The following PRH1 variants were observed in gnomAD, a reference collection of about 807,000 sequenced individuals.
The protein encoded by PRH1 is salivary acidic proline-rich phosphoprotein 1/2.
Under a neutral mutation model 7.9 loss-of-function variants are expected in PRH1, and 7 were observed. The ratio of observed to expected loss-of-function variants is 0.89; its 90% CI spans 0.50 to 1.67. The LOEUF (loss-of-function observed/expected upper bound fraction) is 1.67, where lower values mean the gene tolerates loss of function less well. Ranked by LOEUF, PRH1 falls within the 40% of genes most tolerant of loss-of-function variation. PRH1 has a pLI of 0.00. For missense variants in PRH1, 109 were observed against 223.6 expected (o/e 0.49, Z 3.27); for synonymous variants, 45 against 80.8 (o/e 0.56, Z 2.38).
chr12:10,972,063 T>C (rs1938840604), intron 2 of PRH1, among the ~76,000 whole-genome samples: 1 of 152,226 alleles, frequency 6.6e-6, no homozygotes, highest in Non-Finnish European at 1.5e-5. Context: ...TGATTAGTTA[T>C]TGGCATGTTG....
At chr12:10,903,673 G>A (rs986182245) in intron 2 of PRH1, among the ~76,000 whole-genome samples, 1 of 151,322 alleles carries the variant, frequency 6.6e-6, no homozygotes, top group East Asian at 1.9e-4. Context: ...GAAAGTCCTA[G>A]CCAGGACAAT....
chr12:10,959,320 C>T (rs752548076), intron 2 of PRH1, among the ~76,000 whole-genome samples: 1 of 108,054 alleles, frequency 9.3e-6, no homozygotes, highest in East Asian at 2.8e-4. Flanking sequence ...ATGAAGATGT[C>T]AAATAGTCTA....
At chr12:11,107,605 A>G (rs1484879557) in intron 1 of PRH1, among the ~76,000 whole-genome samples, 1 of 152,192 alleles carries the variant, frequency 6.6e-6, no homozygotes, top group Non-Finnish European at 1.5e-5. Flanking sequence ...TTGTTAAAAA[A>G]TAACAAATTT....
At chr12:11,150,384 A>G (rs370926485) in intron 1 of PRH1, among the ~76,000 whole-genome samples, 2,201 of 152,014 alleles carry the variant, frequency 0.014, 17 homozygotes, top group South Asian at 0.028. Flanking sequence ...TGTTTATTGC[A>G]GCACTATTCA....
At chr12:11,131,914 G>T (rs1317578901) in intron 1 of PRH1, among the ~76,000 whole-genome samples, 1 of 152,084 alleles carries the variant, frequency 6.6e-6, no homozygotes, top group African/African-American at 2.4e-5. Context: ...TATCATTTTT[G>T]ACCATCTATT....
At position 11,097,785 on chromosome 12, in the gene PRH1, G is replaced by C. The variant is rs1333463121; in HGVS notation, n.124-50597C>G. Among the ~76,000 whole-genome samples the C allele has an allele frequency of 2.6e-5, 3 of 113,510 alleles. 1 individual carries two copies. The highest frequency in any genetic ancestry group is 1.8e-4 in the Admixed American group (2 of 11,220). The allele number at this position is 113,510 out of a possible 152,430, so 74.5% of individuals were successfully genotyped here. On this transcript the variant is annotated intron_variant and non_coding_transcript_variant, in intron 1 of 4. Coordinates refer to the PRH1 transcript ENST00000541977. ...GCAGGTGAAAGGGAGAATGCTATTT[G>C]GTAAATGTGATTTCAGGCTTGTTTC...
chr12:11,123,387 C>T lies in PRH1; in HGVS notation n.40-2207G>A, dbSNP rs143188934. On this transcript the variant is annotated intron_variant and non_coding_transcript_variant, in intron 1 of 1. Coordinates refer to the PRH1 transcript ENST00000541175. Reference sequence around the variant, plus strand: ...GATTATGATATTCAAATTCTACTCACAGACATAGAAAAGCCCAAAACAGTT... The same window carrying T: ...GATTATGATATTCAAATTCTACTCATAGACATAGAAAAGCCCAAAACAGTT... Among the ~76,000 whole-genome samples the T allele has an allele frequency of 6.4e-4, 98 of 152,214 alleles. No individual in the cohort carries two copies. The East Asian group carries it at 0.017, about 26-fold the overall frequency.
chr12:10,958,214 T>C (rs1565499572), intron 2 of PRH1, among the ~76,000 whole-genome samples: 4 of 152,114 alleles, frequency 2.6e-5, no homozygotes, highest in Admixed American at 1.3e-4. Flanking sequence ...ATACACACCA[T>C]GGAATACTAT....
At chr12:11,003,160 T>C (rs1414210057) in intron 1 of PRH1, among the ~76,000 whole-genome samples, 8 of 152,022 alleles carry the variant, frequency 5.3e-5, no homozygotes, top group Non-Finnish European at 2.9e-5. Flanking sequence ...AGTATAAAAT[T>C]TTATCCCTAT....
intron 1 of PRH1, chr12:11,079,029 G>A (rs536283817): frequency 2.1e-5 from 1 of 47,642 alleles, no homozygotes; most frequent in African/African-American, 4.9e-5. Context: ...ATTCCACTCA[G>A]GGTTGTCAGA....
chr12:11,065,057 A>G (rs976492025), intron 1 of PRH1, among the ~76,000 whole-genome samples: 2 of 152,078 alleles, frequency 1.3e-5, no homozygotes, highest in African/African-American at 4.8e-5. Flanking sequence ...AATACTGATA[A>G]TAATAATAAT....
chr12:11,058,600 AAAAGAGGGC>A, intron 1 of PRH1, among the ~76,000 whole-genome samples: 1 of 152,302 alleles, frequency 6.6e-6, no homozygotes, highest in South Asian at 2.1e-4. Context: ...AGCCCAGAAC[AAAAGAGGGC>A]TCTACAGCAG....
chr12:11,104,029 T>C (rs1031500430), intron 1 of PRH1, among the ~76,000 whole-genome samples: 3 of 152,220 alleles, frequency 2.0e-5, no homozygotes, highest in South Asian at 2.1e-4. Context: ...ACCCTGTTGC[T>C]GTACCACCAC....
At chr12:11,008,236 T>A (rs1177640657) in intron 1 of PRH1, among the ~76,000 whole-genome samples, 1 of 152,210 alleles carries the variant, frequency 6.6e-6, no homozygotes, top group East Asian at 1.9e-4. Flanking sequence ...TAAGAATGCA[T>A]ATAAGTAGTT....
chr12:10,942,636 C>G (rs972399184), intron 2 of PRH1, among the ~76,000 whole-genome samples: 1 of 152,208 alleles, frequency 6.6e-6, no homozygotes, highest in Non-Finnish European at 1.5e-5. Context: ...CTACCCACCT[C>G]CTAGCTGTGA....
At chr12:11,168,274 A>G (rs867880885) in intron 1 of PRH1, among the ~76,000 whole-genome samples, 5 of 51,064 alleles carry the variant, frequency 9.8e-5, no homozygotes, top group Non-Finnish European at 2.0e-4. Flanking sequence ...GAAAGAAAGA[A>G]AGAAAGAAAG....
intron 1 of PRH1, among the ~76,000 whole-genome samples, chr12:11,132,694 T>A (rs1946394737): frequency 6.6e-6 from 1 of 152,220 alleles, no homozygotes; most frequent in Non-Finnish European, 1.5e-5. Flanking sequence ...TTACTATACG[T>A]ATACTTCTCA....
At chr12:11,170,809 A>ATCCT (rs1947812225) in intron 1 of PRH1, among the ~76,000 whole-genome samples, 2 of 152,264 alleles carry the variant, frequency 1.3e-5, no homozygotes, top group African/African-American at 4.8e-5. Flanking sequence ...TAATAAATAG[A>ATCCT]AAAATCCAAA....
intron 1 of PRH1, among the ~76,000 whole-genome samples, chr12:11,104,550 T>C (rs2600341): frequency 0.45 from 69,087 of 151,852 alleles, 16,520 homozygotes; most frequent in Non-Finnish European, 0.53. Context: ...GATCACTGTA[T>C]AGTATTCCAC....
Sources: allele counts gnomAD v4.1 joint callset (sites outside exome capture counted in the v4.1 genomes callset), GRCh38; gene constraint gnomAD v4.1.1; transcripts MANE v1.5; gene names NCBI Gene and HGNC (gene_info 2026-07-23, HGNC 2026-07-21).